Variants in SSPN observed in about 807,000 individuals in gnomAD.
SSPN encodes K-ras oncogene-associated protein.
A neutral mutation model predicts 19.1 loss-of-function variants in SSPN; 15 were observed. The ratio of observed to expected loss-of-function variants is 0.78; its 90% CI spans 0.52 to 1.21. The LOEUF (loss-of-function observed/expected upper bound fraction) is 1.21. Among genes scored for constraint, SSPN ranks in the 50% most tolerant of loss-of-function variants. SSPN has a pLI of 0.00. For missense variants in SSPN, 291 were observed against 314.0 expected (o/e 0.93, Z 0.55); for synonymous variants, 147 against 140.3 (o/e 1.05, Z -0.34).
intron 1 of SSPN, among the ~76,000 whole-genome samples, chr12:26,174,367 A>G (rs1944670194): frequency 6.6e-6 from 1 of 152,076 alleles, no homozygotes. Flanking sequence ...GTCATGTAAT[A>G]CACTGCACAT....
At chr12:26,148,357 A>G (rs1944505328) in intron 1 of SSPN, among the ~76,000 whole-genome samples, 1 of 152,232 alleles carries the variant, frequency 6.6e-6, no homozygotes, top group African/African-American at 2.4e-5. Flanking sequence ...AGTTCTGGGC[A>G]CCGATGGGGA....
intron 2 of SSPN, among the ~76,000 whole-genome samples, chr12:26,225,396 T>C (rs1339370128): frequency 6.6e-6 from 1 of 152,104 alleles, no homozygotes; most frequent in Admixed American, 6.5e-5. Context: ...ATAACTAATT[T>C]TAAAAAGCTG....
At chr12:26,208,527 G>A (rs1412116946) in intron 1 of SSPN, among the ~76,000 whole-genome samples, 9 of 151,534 alleles carry the variant, frequency 5.9e-5, no homozygotes, top group Non-Finnish European at 1.2e-4. Context: ...TTTCTGGTTG[G>A]TATCATATCT....
In SSPN at chr12:26,183,581, T is replaced by G. The variant is rs185819151; in HGVS notation, c.-30-40712T>G. Among the ~76,000 whole-genome samples, 338 of 152,380 alleles carry G rather than the reference T, an allele frequency of 2.2e-3. 1 individual carries two copies. The highest frequency in any genetic ancestry group is 3.4e-3 in the Non-Finnish European group (228 of 68,036). On this transcript the variant is annotated intron_variant, in intron 1 of 2. Transcript: ENST00000538142. ...ATTCTGTGTTTGTTGTTTGGGTGACTGACTATAAAAGAAAATTAGAATTCA... is the reference window on the plus strand; with the variant it reads ...ATTCTGTGTTTGTTGTTTGGGTGACGGACTATAAAAGAAAATTAGAATTCA...
At chr12:26,159,561 A>G (rs967459125) in intron 1 of SSPN, among the ~76,000 whole-genome samples, 1 of 152,244 alleles carries the variant, frequency 6.6e-6, no homozygotes, top group African/African-American at 2.4e-5. Flanking sequence ...GTCTTTCTGG[A>G]TGATGGCAGA....
At chr12:26,137,409 GA>G (rs1944431988) in intron 1 of SSPN, among the ~76,000 whole-genome samples, 1 of 152,038 alleles carries the variant, frequency 6.6e-6, no homozygotes, top group Admixed American at 6.6e-5. Context: ...TTTGGGGTCT[GA>G]AACTGTGAGC....
chr12:26,187,410 A>G (rs745878780), intron 1 of SSPN, among the ~76,000 whole-genome samples: 3 of 152,246 alleles, frequency 2.0e-5, no homozygotes, highest in African/African-American at 7.2e-5. Context: ...ATCTGACTAA[A>G]TGTAGCTTAA....
Position 26,231,819 on chromosome 12 carries a change from CTTCTA to C in SSPN, c.*750_*754del, listed in dbSNP as rs767810519. On this transcript the variant is annotated 3_prime_UTR_variant, in exon 3 of 3. Transcript: ENST00000242729. ...AAGGTTTAAAAATAATTACATTATGCTTCTATTCTATCATCTAAAACAAATCATTA... is the reference window on the plus strand; with the variant it reads ...AAGGTTTAAAAATAATTACATTATGCTTCTATCATCTAAAACAAATCATTA... 34 of 478,972 alleles carry C rather than the reference CTTCTA, an allele frequency of 7.1e-5. No homozygotes were observed. Among genetic ancestry groups the C allele is most frequent in the Non-Finnish European group, 9.3e-5 (34 of 367,476 alleles). 29.7% of individuals were successfully genotyped at this position (478,972 alleles called of 1,614,324 possible).
intron 1 of SSPN, among the ~76,000 whole-genome samples, chr12:26,155,517 A>AAAGAGTCTTTT (rs1944550784): frequency 6.6e-6 from 1 of 152,228 alleles, no homozygotes; most frequent in Non-Finnish European, 1.5e-5. Flanking sequence ...GTATATTAAC[A>AAAGAGTCTTTT]TTTAAAAAAG....
At position 26,230,995 on chromosome 12, in the gene SSPN, G is replaced by A; in HGVS notation, c.651G>A (p.Trp217Ter). 6.2e-7 allele frequency: 1 copy of A among 1,614,192 alleles called. No individual in the cohort carries two copies. Among genetic ancestry groups the A allele is most frequent in the Non-Finnish European group, 8.5e-7 (1 of 1,180,038 alleles). Residue 217 changes from tryptophan (W) to a stop codon, truncating the protein, a stop_gained, in exon 3 of 3, where the codon TGG (tryptophan) becomes TGA (stop). Coordinates refer to ENST00000242729, the MANE Select transcript of SSPN (RefSeq NM_005086.5). LOFTEE classifies it high-confidence loss of function. ...GCTTGTTGGCCTGCTTTGTGATGTG[G>A]AAACATAGGTACCAGGTCTTCTATG... is the stretch of plus-strand genomic sequence containing the variant. Reference protein sequence around the residue: ...LVCLLACFVMWKHRYQVFYVG... With the variant: ...LVCLLACFVM
chr12:26,230,272 C>A (rs1292232667), intron 2 of SSPN, among the ~76,000 whole-genome samples: 1 of 152,154 alleles, frequency 6.6e-6, no homozygotes, highest in Non-Finnish European at 1.5e-5. Context: ...CTAATTTTGG[C>A]CCACACAGTG....
chr12:26,129,081 C>T (rs1224951381), intron 1 of SSPN, among the ~76,000 whole-genome samples: 2 of 152,154 alleles, frequency 1.3e-5, no homozygotes, highest in Non-Finnish European at 2.9e-5. Context: ...TACTGCCCTT[C>T]TGGAGAATTA....
chr12:26,207,704 A>G (rs940833189), intron 1 of SSPN, among the ~76,000 whole-genome samples: 1 of 147,958 alleles, frequency 6.8e-6, no homozygotes, highest in Non-Finnish European at 1.5e-5. Context: ...TGTTAGGAAT[A>G]TACAACATTG....
intron 1 of SSPN, chr12:26,125,001 T>C: frequency 1.6e-6 from 1 of 631,830 alleles, no homozygotes; most frequent in East Asian, 2.8e-5. Context: ...CCGGCCCCAC[T>C]GCGCTGGTAG....
At chr12:26,122,407 T>C in intron 1 of SSPN, 3 of 1,299,818 alleles carry the variant, frequency 2.3e-6, no homozygotes, top group Non-Finnish European at 3.0e-6. Context: ...TCCAGGCCGC[T>C]CTTGTCCAGG....
chr12:26,160,644 T>C (rs1944581878), intron 1 of SSPN, among the ~76,000 whole-genome samples: 1 of 152,254 alleles, frequency 6.6e-6, no homozygotes, highest in South Asian at 2.1e-4. Flanking sequence ...GAACCATTTT[T>C]CTTCCTTACT....
chr12:26,122,905 G>A, intron 1 of SSPN: 1 of 1,549,832 alleles, frequency 6.5e-7, no homozygotes, highest in Non-Finnish European at 8.7e-7. Context: ...GCGCGCTCCA[G>A]GCAGGGGGCG....
chr12:26,148,292 T>C (rs1944504872), intron 1 of SSPN, among the ~76,000 whole-genome samples: 1 of 152,204 alleles, frequency 6.6e-6, no homozygotes, highest in Admixed American at 6.5e-5. Context: ...AATTGGGTGA[T>C]TGGCCTGGAG....
At chr12:26,222,838 C>T (rs1243205493) in intron 1 of SSPN, among the ~76,000 whole-genome samples, 1 of 152,198 alleles carries the variant, frequency 6.6e-6, no homozygotes, top group Non-Finnish European at 1.5e-5. Context: ...GGCATGTCCA[C>T]CGTCTTTTTG....
Sources: gnomAD v4.1 joint callset for allele counts (sites outside exome capture counted in the v4.1 genomes callset) on GRCh38, gnomAD v4.1.1 for gene constraint, MANE v1.5 for transcripts, NCBI Gene and HGNC (gene_info 2026-07-23, HGNC 2026-07-21) for gene names.